PPL: variants seen among roughly 807,000 people sequenced by gnomAD.
The protein encoded by PPL is 190 kDa paraneoplastic pemphigus antigen.
In PPL, 198 loss-of-function variants were observed where a neutral mutation model predicts 194.4. The observed-to-expected ratio is 1.02, with a 90% confidence interval of 0.91 to 1.15. PPL has a LOEUF of 1.15. Ranked by LOEUF, PPL falls within the 50% of genes most tolerant of loss-of-function variation. The pLI, the probability that PPL is intolerant of heterozygous loss-of-function variation, is 0.00. For synonymous variants in PPL, 1,220 were observed against 972.4 expected (o/e 1.25, Z -4.74); for missense variants, 2,885 against 2,294.8 (o/e 1.26, Z -5.25).
intron 2 of PPL, among the ~76,000 whole-genome samples, chr16:4,905,872 T>C (rs9934815): frequency 0.93 from 141,456 of 152,114 alleles, 66,134 homozygotes; most frequent in East Asian, 0.99. Context: ...TGGGGGGCTG[T>C]GGCAGGAGGA....
chr16:4,883,584 G>T lies in PPL; in HGVS notation c.5071C>A (p.Gln1691Lys), dbSNP rs546178374. The T allele has an allele frequency of 4.3e-6, 7 of 1,614,064 alleles. No homozygotes were observed. The African/African-American group carries it at 8.0e-5, about 18-fold the overall frequency. Reference sequence around the variant, plus strand: ...GAGATCTCCTCCCAGTCGCACTCCTGGCTTCTGAGTTTCACGAACATGTTC... The same window carrying T: ...GAGATCTCCTCCCAGTCGCACTCCTTGCTTCTGAGTTTCACGAACATGTTC... ...DWNMFVKLRSQECDWEEISVK... is the reference protein window; with the variant it reads ...DWNMFVKLRSKECDWEEISVK... The change falls in exon 22 of 22, where the codon CAG becomes AAG. Residue 1691 changes from glutamine (Q) to lysine (K), a missense_variant. Transcript: ENST00000345988. The surrounding 1 kb of genome is among the most constrained non-coding windows in gnomAD (Gnocchi z 4.8).
At chr16:4,921,912 G>A (rs920622934) in intron 1 of PPL, among the ~76,000 whole-genome samples, 4 of 152,008 alleles carry the variant, frequency 2.6e-5, no homozygotes, top group Admixed American at 1.3e-4. Flanking sequence ...AGGGCCAGCA[G>A]GGATGCCCGT....
At position 4,888,229 on chromosome 16, in the gene PPL, G is replaced by A; in HGVS notation, c.2398-11C>T. ...TTCTAACTCATAGTCCTGCATGAGG[G>A]AGAGACATGGCAGAGGGGAGATTAA... On this transcript the variant is annotated splice_polypyrimidine_tract_variant and intron_variant, in intron 19 of 21. Transcript: ENST00000345988. The A allele has an allele frequency of 1.3e-6, 2 of 1,551,330 alleles. No homozygotes were observed. The highest frequency in any genetic ancestry group is 1.8e-6 in the Non-Finnish European group (2 of 1,122,932).
chr16:4,926,163 A>G (rs970543476), intron 1 of PPL, among the ~76,000 whole-genome samples: 1 of 152,202 alleles, frequency 6.6e-6, no homozygotes, highest in African/African-American at 2.4e-5. Flanking sequence ...GGTACGTGCT[A>G]TCATAGCTCC....
At chr16:4,909,829 C>T (rs2088783650) in intron 2 of PPL, among the ~76,000 whole-genome samples, 1 of 152,194 alleles carries the variant, frequency 6.6e-6, no homozygotes, top group Non-Finnish European at 1.5e-5. Context: ...AATGTTTTAG[C>T]ATAAGCCTTT....
chr16:4,922,782 C>T (rs74003591), intron 1 of PPL, among the ~76,000 whole-genome samples: 2,660 of 66,738 alleles, frequency 0.04, 73 homozygotes, highest in Middle Eastern at 0.12. Flanking sequence ...ACACTGTTCA[C>T]GCTGATCCTG....
Position 4,890,935 on chromosome 16 carries a change from G to C in PPL, c.1969-14C>G. 2 of 1,504,764 alleles carry C rather than the reference G, an allele frequency of 1.3e-6. No homozygotes were observed. Among genetic ancestry groups the C allele is most frequent in the Non-Finnish European group, 1.8e-6 (2 of 1,120,218 alleles). 93.2% of individuals were successfully genotyped at this position (1,504,764 alleles called of 1,614,324 possible). On this transcript the variant is annotated splice_polypyrimidine_tract_variant and intron_variant, in intron 16 of 21. Coordinates refer to ENST00000345988, the MANE Select transcript of PPL (RefSeq NM_002705.5). ...ACAGGCCATGGCCTGGCGGGGCAGA[G>C]GAGGAGACGGCGGTGCTACGGCCAG...
rs373257194 is a variant in PPL, at chr16:4,891,814, C to G, written c.1965G>C (p.Leu655=). 9 of 1,609,200 alleles carry G rather than the reference C, an allele frequency of 5.6e-6. No homozygotes were observed. The highest frequency in any genetic ancestry group is 1.7e-5 in the Admixed American group (1 of 59,392). The part of the protein sequence containing the change: ...SRVLDSKGQE[L]AAMACELQAQ... ...AGGACTTGGGCCCTAGACTCACCGC[C>G]AGCTCCTGCCCCTTGCTGTCCAGGA... Residue 655 remains leucine, a synonymous_variant, in exon 16 of 22, where the codon CTG becomes CTC. Coordinates refer to ENST00000345988, the MANE Select transcript of PPL (RefSeq NM_002705.5).
chr16:4,889,176 T>C (rs540048442), intron 18 of PPL, 115 bp from the exon 19 acceptor site: 2 of 792,164 alleles, frequency 2.5e-6, no homozygotes, highest in African/African-American at 3.5e-5. Context: ...TAGCACAAAG[T>C]ATGATGAATG....
At position 4,884,667 on chromosome 16, in the gene PPL, C is replaced by G. The variant is rs754803512; in HGVS notation, c.3988G>C (p.Ala1330Pro). The change falls in exon 22 of 22, where the codon GCT becomes CCT. Residue 1330 changes from alanine (A) to proline (P), a missense_variant. Ala to Pro is a conservative substitution (Grantham distance 27). Coordinates refer to ENST00000345988, the MANE Select transcript of PPL (RefSeq NM_002705.5). This position sits in a 1 kb window ranked among gnomAD's most constrained non-coding sequence, Gnocchi z 5.7. ...CGGGCGATCTGCTCTTCCTGGGAAG[C>G]TCTTTCCCTCTCCAGATCCACTTGT... is the stretch of plus-strand genomic sequence containing the variant. ...KKQVDLERERASQEEQIARKE... is the reference protein window; with the variant it reads ...KKQVDLERERPSQEEQIARKE... The G allele has an allele frequency of 1.5e-5, 24 of 1,614,044 alleles. No individual in the cohort carries two copies. Among genetic ancestry groups the G allele is most frequent in the Non-Finnish European group, 2.0e-5 (24 of 1,180,038 alleles).
At chr16:4,888,630 C>A in intron 19 of PPL, 1 of 340,054 alleles carries the variant, frequency 2.9e-6, no homozygotes, top group Non-Finnish European at 5.4e-6. Flanking sequence ...CAGCTTTCCC[C>A]TTCCACTGGA....
intron 1 of PPL, among the ~76,000 whole-genome samples, chr16:4,919,424 A>G (rs1468865091): frequency 6.6e-6 from 1 of 152,138 alleles, no homozygotes; most frequent in African/African-American, 2.4e-5. Flanking sequence ...TAATCTTTTT[A>G]TATTTTCTTC....
chr16:4,913,986 G>A (rs977229861), intron 1 of PPL, among the ~76,000 whole-genome samples: 12 of 152,244 alleles, frequency 7.9e-5, no homozygotes, highest in African/African-American at 2.7e-4. Context: ...CAGGCCTGGA[G>A]GCTGGGGATG....
intron 1 of PPL, among the ~76,000 whole-genome samples, chr16:4,919,350 C>A (rs2088990721): frequency 6.6e-6 from 1 of 152,238 alleles, no homozygotes; most frequent in South Asian, 2.1e-4. Context: ...CAGATCCTGA[C>A]TGCACCAACC....
chr16:4,900,451 T>TTTTTTTTTTTTTTTTTTTTTTTG (rs2088539526), intron 6 of PPL, among the ~76,000 whole-genome samples: 1 of 128,080 alleles, frequency 7.8e-6, no homozygotes, highest in African/African-American at 3.0e-5. Context: ...TTTTTTTTTT[T>TTTTTTTTTTTTTTTTTTTTTTTG]TTTTTAAAGG....
chr16:4,893,417 G>A (rs2035786857), intron 13 of PPL, 47 bp from the exon 14 acceptor site: 1 of 1,596,670 alleles, frequency 6.3e-7, no homozygotes, highest in East Asian at 2.2e-5. Context: ...CGGGCCAGGG[G>A]TGTGAGGCCC....
chr16:4,902,505 A>G lies in PPL; in HGVS notation c.339T>C (p.Arg113=). 1 of 1,613,632 alleles carries G rather than the reference A, an allele frequency of 6.2e-7. No individual in the cohort carries two copies. Among genetic ancestry groups the G allele is most frequent in the Non-Finnish European group, 8.5e-7 (1 of 1,179,802 alleles). ...TGTGTTTCCCGCGCAGGTTGGTCAC[A>G]CGCTCCTTCAGCTGGCGGATACTGA... ...IAEDIRQLKE[R]VTNLRGKHKQ... Residue 113 remains arginine, a synonymous_variant, in exon 4 of 22, where the codon CGT becomes CGC. Coordinates refer to ENST00000345988, the MANE Select transcript of PPL (RefSeq NM_002705.5). This position sits in a 1 kb window ranked among gnomAD's most constrained non-coding sequence, Gnocchi z 4.0.
rs1168821247 is a variant in PPL at position 4,902,264 on chromosome 16, G to A, written c.438+142C>T. On this transcript the variant is annotated intron_variant, in intron 4 of 21. Transcript: ENST00000345988. This position sits in a 1 kb window ranked among gnomAD's most constrained non-coding sequence, Gnocchi z 4.0. ...TTCTCTGAGCCTCACTCTTCTCATG[G>A]GCACACTGGAAAACCATCAGGACCA... 2.4e-5 allele frequency: 32 copies of A among 1,331,494 alleles called. No individual in the cohort carries two copies. The South Asian group carries it at 3.5e-4, about 15-fold the overall frequency. 82.5% of individuals were successfully genotyped at this position (1,331,494 alleles called of 1,614,324 possible). A position where few individuals can be genotyped will look rare whatever the true frequency, so the allele number is the denominator to read the frequency against.
intron 1 of PPL, among the ~76,000 whole-genome samples, chr16:4,936,627 A>G (rs1351930643): frequency 1.3e-5 from 2 of 152,110 alleles, no homozygotes; most frequent in South Asian, 2.1e-4. Flanking sequence ...CCAGGTGACT[A>G]TTCCCGGTCC....
Sources: allele counts gnomAD v4.1 joint callset (sites outside exome capture counted in the v4.1 genomes callset), GRCh38; gene constraint gnomAD v4.1.1; non-coding constraint Gnocchi (gnomAD v3.1); transcripts MANE v1.5; gene names NCBI Gene and HGNC (gene_info 2026-07-23, HGNC 2026-07-21).